TMEM242: variants seen among roughly 807,000 people sequenced by gnomAD.
TMEM242 encodes the protein transmembrane protein 242, also known as UPF0463 transmembrane protein C6orf35.
In TMEM242, 10 loss-of-function variants were observed where a neutral mutation model predicts 18.2. That is an observed-to-expected ratio of 0.55 (90% CI 0.34 to 0.93). TMEM242 has a LOEUF of 0.93. Ranked by LOEUF, TMEM242 falls within the 40% of genes least tolerant of loss-of-function variation. TMEM242 has a pLI of 0.02. For synonymous variants in TMEM242, 57 were observed against 69.9 expected (o/e 0.81, Z 0.92); for missense variants, 186 against 175.5 (o/e 1.06, Z -0.34).
At chr6:157,310,021 A>G (rs1335457578) in intron 3 of TMEM242, among the ~76,000 whole-genome samples, 9 of 151,938 alleles carry the variant, frequency 5.9e-5, no homozygotes, top group Admixed American at 5.2e-4. Context: ...CATAGCGCAT[A>G]CCCCCCTGAT....
intron 2 of TMEM242, among the ~76,000 whole-genome samples, chr6:157,320,669 C>T (rs1778477550): frequency 6.6e-6 from 1 of 152,108 alleles, no homozygotes; most frequent in Admixed American, 6.6e-5. Context: ...TGGGGTTTCA[C>T]CGTGTTGCCC....
intron 1 of TMEM242, among the ~76,000 whole-genome samples, chr6:157,323,191 A>G (rs1778522285): frequency 6.6e-6 from 1 of 152,156 alleles, no homozygotes; most frequent in Non-Finnish European, 1.5e-5. Context: ...CGCCCGGGAG[A>G]ATAGCTCGCG....
chr6:157,314,329 T>A (rs1554250120), intron 3 of TMEM242, among the ~76,000 whole-genome samples: 1 of 152,202 alleles, frequency 6.6e-6, no homozygotes, highest in African/African-American at 2.4e-5. Context: ...AGTGTCCCAG[T>A]GTGCACTCAC....
At chr6:157,311,564 A>G (rs1299948707) in intron 3 of TMEM242, among the ~76,000 whole-genome samples, 1,033 of 6,322 alleles carry the variant, frequency 0.16, 4 homozygotes, top group Middle Eastern at 0.42. Context: ...GCGCTCACCT[A>G]GCCTCAACAT....
At chr6:157,295,161 A>G (rs1777735267) in intron 3 of TMEM242, among the ~76,000 whole-genome samples, 1 of 152,348 alleles carries the variant, frequency 6.6e-6, no homozygotes, top group Non-Finnish European at 1.5e-5. Flanking sequence ...CTGTCACTGG[A>G]AGATACGTAA....
At position 157,305,440 on chromosome 6, in the gene TMEM242, G is replaced by T. The variant is rs748866365; in HGVS notation, c.328-12441C>A. Among the ~76,000 whole-genome samples, 2 of 152,086 alleles carry T rather than the reference G, an allele frequency of 1.3e-5. No individual in the cohort carries two copies. Among genetic ancestry groups the T allele is most frequent in the Non-Finnish European group, 2.9e-5 (2 of 68,022 alleles). On this transcript the variant is annotated intron_variant, in intron 3 of 3. Transcript: ENST00000400788. The surrounding 1 kb of genome is among the most constrained non-coding windows in gnomAD (Gnocchi z 4.1). ...AATCAAGTGCTCTAGTTGGGACATGGGTCATGTGACACGCCTATGAGGGCG... is the reference window on the plus strand; with the variant it reads ...AATCAAGTGCTCTAGTTGGGACATGTGTCATGTGACACGCCTATGAGGGCG...
chr6:157,310,021 AC>A (rs782648727), intron 3 of TMEM242, among the ~76,000 whole-genome samples: 5 of 151,938 alleles, frequency 3.3e-5, no homozygotes, highest in Non-Finnish European at 5.9e-5. Context: ...CATAGCGCAT[AC>A]CCCCCTGATA....
At chr6:157,318,592 C>A in intron 3 of TMEM242, 190 bp downstream of exon 3, 1 of 580,454 alleles carries the variant, frequency 1.7e-6, no homozygotes, top group Non-Finnish European at 2.9e-6. Context: ...GTTTTACCAC[C>A]TTCAAAAATT....
In TMEM242 at chr6:157,292,427, G is replaced by A. The variant is rs1324452804; in HGVS notation, c.*474C>T. The A allele has an allele frequency of 3.3e-5, 5 of 152,636 alleles. No individual in the cohort carries two copies. The highest frequency in any genetic ancestry group is 1.2e-4 in the African/African-American group (5 of 41,438). 9.5% of individuals were successfully genotyped at this position (152,636 alleles called of 1,614,324 possible). Reference sequence around the variant, plus strand: ...TCCTACCATACAGGACTTACCAGGTGACTGTCACTTTGTAGTCTGGCTAAT... The same window carrying A: ...TCCTACCATACAGGACTTACCAGGTAACTGTCACTTTGTAGTCTGGCTAAT... On this transcript the variant is annotated 3_prime_UTR_variant, in exon 4 of 4. Transcript: ENST00000400788.
At chr6:157,309,864 C>T (rs929882072) in intron 3 of TMEM242, among the ~76,000 whole-genome samples, 2 of 152,130 alleles carry the variant, frequency 1.3e-5, no homozygotes, top group Non-Finnish European at 2.9e-5. Flanking sequence ...CCTGTGAGGA[C>T]AACAGCTATA....
At chr6:157,316,764 T>C (rs1173669749) in intron 3 of TMEM242, among the ~76,000 whole-genome samples, 2 of 152,076 alleles carry the variant, frequency 1.3e-5, no homozygotes, top group Non-Finnish European at 2.9e-5. Flanking sequence ...TGGTCCCAGC[T>C]ACACAGGAGG....
chr6:157,312,042 C>A (rs1458179181), intron 3 of TMEM242, among the ~76,000 whole-genome samples: 1 of 77,052 alleles, frequency 1.3e-5, no homozygotes, highest in African/African-American at 5.7e-5. Flanking sequence ...ACTCAACCGG[C>A]CTCATCATAG....
chr6:157,293,921 A>T (rs1400333445), intron 3 of TMEM242, among the ~76,000 whole-genome samples: 1 of 152,012 alleles, frequency 6.6e-6, no homozygotes, highest in Non-Finnish European at 1.5e-5. Context: ...GGGTCTTGCT[A>T]TGTTGCCCAG....
intron 3 of TMEM242, among the ~76,000 whole-genome samples, chr6:157,309,116 A>G (rs1336851609): frequency 6.6e-6 from 1 of 152,198 alleles, no homozygotes; most frequent in African/African-American, 2.4e-5. Flanking sequence ...TGCTCCTGTG[A>G]CTGTTTAGTG....
chr6:157,296,032 A>G (rs1258954210), intron 3 of TMEM242, among the ~76,000 whole-genome samples: 1 of 152,238 alleles, frequency 6.6e-6, no homozygotes, highest in African/African-American at 2.4e-5. Flanking sequence ...TGGTTTGACC[A>G]ATGATTCTCT....
At chr6:157,298,401 C>T (rs750536960) in intron 3 of TMEM242, among the ~76,000 whole-genome samples, 3 of 152,180 alleles carry the variant, frequency 2.0e-5, no homozygotes, top group South Asian at 2.1e-4. Context: ...TGAATTACTG[C>T]GTTAAACATT....
At chr6:157,313,952 TCCC>T (rs1778318442) in intron 3 of TMEM242, among the ~76,000 whole-genome samples, 2 of 12,994 alleles carry the variant, frequency 1.5e-4, no homozygotes, top group African/African-American at 5.3e-4. Context: ...CATCACAGTG[TCCC>T]AGTGTCCGCT....
chr6:157,315,488 CAG>C (rs1778372113), intron 3 of TMEM242, among the ~76,000 whole-genome samples: 1 of 152,158 alleles, frequency 6.6e-6, no homozygotes, highest in Non-Finnish European at 1.5e-5. Context: ...GATCTATATG[CAG>C]AGAGAGTGCA....
At chr6:157,321,012 C>CTTT (rs1181386580) in intron 2 of TMEM242, among the ~76,000 whole-genome samples, 2 of 102,072 alleles carry the variant, frequency 2.0e-5, no homozygotes, top group African/African-American at 3.6e-5. Context: ...TTTTTTTTTT[C>CTTT]TTTTTTTTTT....
Sources: allele counts gnomAD v4.1 joint callset (sites outside exome capture counted in the v4.1 genomes callset), GRCh38; gene constraint gnomAD v4.1.1; non-coding constraint Gnocchi (gnomAD v3.1); transcripts MANE v1.5; gene names NCBI Gene and HGNC (gene_info 2026-07-23, HGNC 2026-07-21).